Variants in GRIN2A observed in about 807,000 individuals in gnomAD.
The protein encoded by GRIN2A is glutamate receptor ionotropic, NMDA 2A.
Under a neutral mutation model 113.4 loss-of-function variants are expected in GRIN2A, and 22 were observed. The observed-to-expected ratio is 0.19, with a 90% CI of 0.14 to 0.28. The LOEUF is 0.28. Among genes scored for constraint, GRIN2A ranks in the 10% least tolerant of loss-of-function variants. The pLI, the probability that GRIN2A is intolerant of heterozygous loss-of-function variation, is 1.00. For missense variants in GRIN2A, 1,502 were observed against 1,887.0 expected (o/e 0.80, Z 3.78); for synonymous variants, 827 against 738.4 (o/e 1.12, Z -1.94).
At chr16:10,158,509 G>T (rs1187230110) in intron 2 of GRIN2A, among the ~76,000 whole-genome samples, 5 of 152,138 alleles carry the variant, frequency 3.3e-5, no homozygotes, top group Non-Finnish European at 7.3e-5. Flanking sequence ...CTAACAGATG[G>T]AAACAGCACA....
chr16:9,998,699 C>T (rs2046268892), intron 2 of GRIN2A, among the ~76,000 whole-genome samples: 2 of 152,046 alleles, frequency 1.3e-5, no homozygotes, highest in African/African-American at 4.8e-5. Context: ...ATGTATCTTT[C>T]TCAACTAATT....
chr16:9,781,590 G>C (rs1452257384), intron 11 of GRIN2A, among the ~76,000 whole-genome samples: 1 of 151,978 alleles, frequency 6.6e-6, no homozygotes, highest in Non-Finnish European at 1.5e-5. Flanking sequence ...TGAACTCCTG[G>C]GCTCAAGCAA....
intron 2 of GRIN2A, among the ~76,000 whole-genome samples, chr16:10,157,442 C>T (rs976972885): frequency 6.6e-5 from 10 of 152,138 alleles, no homozygotes; most frequent in Non-Finnish European, 1.0e-4. Flanking sequence ...CTGTATTAGT[C>T]CATTCTCACA....
chr16:10,075,517 T>C (rs1160670260), intron 2 of GRIN2A, among the ~76,000 whole-genome samples: 2 of 152,074 alleles, frequency 1.3e-5, no homozygotes, highest in African/African-American at 2.4e-5. Context: ...TGGAGATGGA[T>C]ACTGATGATG....
chr16:10,043,346 C>A (rs917878007), intron 2 of GRIN2A, among the ~76,000 whole-genome samples: 1 of 152,158 alleles, frequency 6.6e-6, no homozygotes, highest in African/African-American at 2.4e-5. Context: ...GGCTGATGAT[C>A]AAAGTGGCAC....
At chr16:10,007,001 T>A (rs2046415410) in intron 2 of GRIN2A, among the ~76,000 whole-genome samples, 1 of 152,256 alleles carries the variant, frequency 6.6e-6, no homozygotes. Context: ...CCATTGTGTA[T>A]ATGTACCACA....
chr16:10,157,545 C>T (rs756592796), intron 2 of GRIN2A, among the ~76,000 whole-genome samples: 7 of 152,158 alleles, frequency 4.6e-5, no homozygotes, highest in Non-Finnish European at 8.8e-5. Context: ...CCTCAGAAAA[C>T]TTACAATCAT....
At chr16:10,004,829 C>T (rs965833236) in intron 2 of GRIN2A, among the ~76,000 whole-genome samples, 3 of 152,094 alleles carry the variant, frequency 2.0e-5, no homozygotes, top group African/African-American at 7.2e-5. Flanking sequence ...ATTGGCAAAG[C>T]CCCTTTTGTC....
At chr16:10,129,296 A>T (rs1269561782) in intron 2 of GRIN2A, among the ~76,000 whole-genome samples, 2 of 152,170 alleles carry the variant, frequency 1.3e-5, no homozygotes, top group South Asian at 2.1e-4. Flanking sequence ...CAGGCTGGTG[A>T]TAACTCTCTT....
chr16:10,166,236 G>A (rs2049920625), intron 2 of GRIN2A, among the ~76,000 whole-genome samples: 1 of 152,226 alleles, frequency 6.6e-6, no homozygotes, highest in Non-Finnish European at 1.5e-5. Flanking sequence ...TAGAGCAGGA[G>A]ACATTCAGCC....
At chr16:10,044,064 GA>G (rs1433801243) in intron 2 of GRIN2A, among the ~76,000 whole-genome samples, 1 of 150,378 alleles carries the variant, frequency 6.6e-6, no homozygotes, top group Non-Finnish European at 1.5e-5. Context: ...CAGAGACAGA[GA>G]CAGAGACAGA....
At chr16:10,177,666 C>T (rs1002965363) in intron 2 of GRIN2A, among the ~76,000 whole-genome samples, 34 of 152,198 alleles carry the variant, frequency 2.2e-4, no homozygotes, top group African/African-American at 7.2e-4. Context: ...ATCCCCAAAA[C>T]GCAGTTTCAT....
At chr16:10,087,492 C>A (rs1053065422) in intron 2 of GRIN2A, among the ~76,000 whole-genome samples, 1 of 152,202 alleles carries the variant, frequency 6.6e-6, no homozygotes, top group African/African-American at 2.4e-5. Flanking sequence ...GTCAGTCTGA[C>A]TCTTGCATCT....
chr16:9,771,991 C>A lies in GRIN2A; in HGVS notation c.2357-2902G>T, dbSNP rs376735992. On this transcript the variant is annotated intron_variant, in intron 11 of 12. Transcript: ENST00000330684. ...AGACTAAGTGACTCATTAAAGTTCT[C>A]AAATGTATTAACCAGAAAAAAAAGC... Among the ~76,000 whole-genome samples the A allele has an allele frequency of 2.6e-5, 4 of 152,036 alleles. No homozygotes were observed. In the East Asian group the frequency reaches 7.7e-4, roughly 29 times the overall value.
chr16:10,163,187 TG>T (rs1233814204), intron 2 of GRIN2A, among the ~76,000 whole-genome samples: 1 of 152,092 alleles, frequency 6.6e-6, no homozygotes. Context: ...GAGTGGGCGG[TG>T]GCATGGACAG....
intron 9 of GRIN2A, among the ~76,000 whole-genome samples, chr16:9,822,795 T>C (rs571805005): frequency 1.9e-3 from 282 of 152,332 alleles, no homozygotes; most frequent in African/African-American, 6.2e-3. Context: ...CTGAATGAGC[T>C]GAACTTAAGG....
At chr16:9,930,996 A>C (rs189540570) in intron 3 of GRIN2A, among the ~76,000 whole-genome samples, 2 of 152,330 alleles carry the variant, frequency 1.3e-5, no homozygotes, top group African/African-American at 2.4e-5. Flanking sequence ...CAAGAAGTCA[A>C]TCCAAAACAC....
At position 10,104,807 on chromosome 16, in the gene GRIN2A, CG is replaced by C. The variant is rs2048463845; in HGVS notation, c.414+75190del. Among the ~76,000 whole-genome samples the C allele has an allele frequency of 1.3e-5, 2 of 152,080 alleles. 1 individual carries two copies. Among genetic ancestry groups the C allele is most frequent in the South Asian group, 4.1e-4 (2 of 4,820 alleles). ...CCCCACTGTGTGCAGGGGCCGCAGT[CG>C]ACGGCAGGGTATGAGGAGAAACAGG... On this transcript the variant is annotated intron_variant, in intron 2 of 12. Transcript: ENST00000330684.
intron 3 of GRIN2A, among the ~76,000 whole-genome samples, chr16:9,906,271 T>G (rs1389819366): frequency 2.0e-5 from 3 of 152,182 alleles, no homozygotes; most frequent in African/African-American, 7.2e-5. Context: ...TTTTCCAACC[T>G]TCCATCCTAA....
Sources: allele counts gnomAD v4.1 joint callset (sites outside exome capture counted in the v4.1 genomes callset), GRCh38; gene constraint gnomAD v4.1.1; transcripts MANE v1.5; gene names NCBI Gene and HGNC (gene_info 2026-07-23, HGNC 2026-07-21).